AFAP1L2: variants seen among roughly 807,000 people sequenced by gnomAD.
AFAP1L2 encodes the protein actin filament-associated protein 1-like 2.
Under a neutral mutation model 99.3 loss-of-function variants are expected in AFAP1L2, and 46 were observed. The ratio of observed to expected loss-of-function variants is 0.46; its 90% confidence interval spans 0.37 to 0.59. The LOEUF (loss-of-function observed/expected upper bound fraction) is 0.59. Ranked by LOEUF, AFAP1L2 falls within the 20% of genes least tolerant of loss-of-function variation. AFAP1L2 has a pLI of 0.00. For synonymous variants in AFAP1L2, 397 were observed against 419.1 expected (o/e 0.95, Z 0.64); for missense variants, 959 against 1,034.9 (o/e 0.93, Z 1.01).
intron 1 of AFAP1L2, among the ~76,000 whole-genome samples, chr10:114,392,365 G>C (rs529506427): frequency 6.6e-6 from 1 of 152,286 alleles, no homozygotes; most frequent in African/African-American, 2.4e-5. Context: ...CTCCAGCCTG[G>C]GTGACAGAGC....
intron 1 of AFAP1L2, among the ~76,000 whole-genome samples, chr10:114,371,635 G>A (rs1218988863): frequency 2.0e-5 from 3 of 150,572 alleles, no homozygotes; most frequent in African/African-American, 4.9e-5. Flanking sequence ...CACAGGGAGG[G>A]AACATTACAC....
intron 1 of AFAP1L2, among the ~76,000 whole-genome samples, chr10:114,384,611 C>T (rs1249348489): frequency 1.3e-5 from 2 of 152,244 alleles, no homozygotes; most frequent in African/African-American, 2.4e-5. Flanking sequence ...AAGTACTCGC[C>T]TTCTTCTGCC....
At chr10:114,292,401 AACTT>A (rs1314267455), downstream of AFAP1L2, among the ~76,000 whole-genome samples, 2 of 152,068 alleles carry the variant, frequency 1.3e-5, no homozygotes, top group African/African-American at 4.8e-5. Flanking sequence ...AGGATAAAGA[AACTT>A]ACAGAGATTT....
chr10:114,340,670 C>G lies in AFAP1L2; in HGVS notation c.78G>C (p.Leu26=). 1 of 1,614,220 alleles carries G rather than the reference C, an allele frequency of 6.2e-7. No homozygotes were observed. The highest frequency in any genetic ancestry group is 8.5e-7 in the Non-Finnish European group (1 of 1,180,040). ...TCTTCTTCACCAGTGCTGTGCTGCT[C>G]AGGTTCTCCTGGTCAAGAATCTTGA... ...DFLKILDQEN[L]SSTALVKKSC... Residue 26 remains leucine (L), a synonymous_variant, in exon 2 of 19, where the codon CTG becomes CTC. Transcript: ENST00000304129.
At chr10:114,300,780 G>T (rs1028539184) in intron 13 of AFAP1L2, 90 bp from the exon 14 acceptor site, 3 of 1,482,982 alleles carry the variant, frequency 2.0e-6, no homozygotes, top group African/African-American at 1.4e-5. Flanking sequence ...CAGTTCTGGT[G>T]CCCATCTCAC....
intron 4 of AFAP1L2, chr10:114,326,025 C>CCCA (rs60778514): frequency 9.3e-6 from 12 of 1,288,316 alleles, no homozygotes; most frequent in South Asian, 1.2e-5. Flanking sequence ...GAGATCTGGC[C>CCCA]CAAGGTCAGG....
intron 1 of AFAP1L2, among the ~76,000 whole-genome samples, chr10:114,355,547 T>TAA (rs35455768): frequency 2.1e-5 from 3 of 143,854 alleles, no homozygotes; most frequent in African/African-American, 5.0e-5. Flanking sequence ...ACTGGTAGCT[T>TAA]AAAAAAAAAA....
intron 1 of AFAP1L2, among the ~76,000 whole-genome samples, chr10:114,397,303 T>C (rs1204537333): frequency 1.3e-5 from 2 of 152,204 alleles, no homozygotes; most frequent in African/African-American, 4.8e-5. Context: ...TGTTTCCCTA[T>C]AGTTTTGCCT....
chr10:114,312,211 C>T (rs867420567), intron 7 of AFAP1L2, among the ~76,000 whole-genome samples: 2 of 148,768 alleles, frequency 1.3e-5, no homozygotes, highest in Admixed American at 1.3e-4. Context: ...AGGAACAGAG[C>T]GGGGAACTGG....
the AFAP1L2 span, chr10:114,289,436 C>T: frequency 6.2e-7 from 1 of 1,614,188 alleles, no homozygotes; most frequent in African/African-American, 1.3e-5. Flanking sequence ...CACGTGGCAG[C>T]TTACGCCGAC....
chr10:114,365,230 C>T (rs919968684), intron 1 of AFAP1L2, among the ~76,000 whole-genome samples: 1 of 152,130 alleles, frequency 6.6e-6, no homozygotes. Flanking sequence ...CTGGTATGGA[C>T]ATTGTTCTCT....
intron 1 of AFAP1L2, among the ~76,000 whole-genome samples, chr10:114,396,440 G>A (rs368035902): frequency 4.6e-5 from 7 of 152,314 alleles, no homozygotes; most frequent in African/African-American, 1.7e-4. Flanking sequence ...TGGTAATTCT[G>A]CCCTTGCATC....
Position 114,315,682 on chromosome 10 carries a change from G to A in AFAP1L2, c.490C>T (p.Pro164Ser), listed in dbSNP as rs267602372. The A allele has an allele frequency of 5.6e-6, 9 of 1,613,710 alleles. No individual in the cohort carries two copies. In the Admixed American group the frequency reaches 1.2e-4, roughly 21 times the overall value. ...SKGKSAPYQW[P>S]SPEAGIELMR... The stretch of plus-strand genomic sequence containing the variant: ...AGCTCGATGCCGGCCTCCGGCGAGG[G>A]CCACTGGTAAGGGGCCGACTTGCCC... The change falls in exon 6 of 19, where the codon CCC (proline) becomes TCC (serine). Residue 164 changes from proline to serine, a missense_variant. By Grantham distance (74) the Pro-to-Ser change is moderately conservative. Coordinates refer to ENST00000304129, the MANE Select transcript of AFAP1L2 (RefSeq NM_001001936.3).
In AFAP1L2 at chr10:114,369,265, C is replaced by T. The variant is rs116677922; in HGVS notation, c.17-28534G>A. The stretch of plus-strand genomic sequence containing the variant: ...TGAAGCCAGGAGTTCAAGATCAGCC[C>T]TGGCAACATAGTGAGATGTCTGTCT... On this transcript the variant is annotated intron_variant, in intron 1 of 18. Coordinates refer to ENST00000304129, the MANE Select transcript of AFAP1L2 (RefSeq NM_001001936.3). Among the ~76,000 whole-genome samples the T allele has an allele frequency of 5.0e-3, 767 of 152,228 alleles. 5 individuals carry two copies. Among genetic ancestry groups the T allele is most frequent in the African/African-American group, 0.018 (727 of 41,534 alleles).
chr10:114,337,149 A>T (rs1403644116), intron 2 of AFAP1L2, among the ~76,000 whole-genome samples: 1 of 152,252 alleles, frequency 6.6e-6, no homozygotes, highest in Admixed American at 6.5e-5. Context: ...GCGACACGAC[A>T]GTTAACTGCA....
At chr10:114,289,379 T>C in the AFAP1L2 span, 1 of 1,614,018 alleles carries the variant, frequency 6.2e-7, no homozygotes, top group Non-Finnish European at 8.5e-7. Context: ...GGGCCTGTCC[T>C]AAGTGAGGGT....
chr10:114,299,181 C>A (rs1301482759), intron 16 of AFAP1L2, 79 bp downstream of exon 16: 4 of 1,553,300 alleles, frequency 2.6e-6, no homozygotes, highest in Non-Finnish European at 2.6e-6. Context: ...GGTGTGGTGA[C>A]AGCCAGATCT....
At chr10:114,342,782 G>A (rs1445549125) in intron 1 of AFAP1L2, among the ~76,000 whole-genome samples, 1 of 152,216 alleles carries the variant, frequency 6.6e-6, no homozygotes, top group African/African-American at 2.4e-5. Flanking sequence ...AGTTCGTGTT[G>A]CTTTATGTCA....
intron 1 of AFAP1L2, among the ~76,000 whole-genome samples, chr10:114,393,099 C>T (rs2057326635): frequency 6.6e-6 from 1 of 152,156 alleles, no homozygotes; most frequent in South Asian, 2.1e-4. Context: ...GGAAGGCCCC[C>T]AAGATAGGAG....
Sources: allele counts gnomAD v4.1 joint callset (sites outside exome capture counted in the v4.1 genomes callset), GRCh38; gene constraint gnomAD v4.1.1; transcripts MANE v1.5; gene names NCBI Gene and HGNC (gene_info 2026-07-23, HGNC 2026-07-21).